The following PTPN14 variants were observed in gnomAD, a reference collection of about 807,000 sequenced individuals.
PTPN14 encodes the protein protein tyrosine phosphatase non-receptor type 14.
In PTPN14, 53 loss-of-function variants were observed where a neutral mutation model predicts 126.8. The ratio of observed to expected loss-of-function variants is 0.42; its 90% CI spans 0.34 to 0.53. The LOEUF is 0.53. PTPN14 is among the 20% of genes least tolerant of loss of function. PTPN14 has a pLI of 0.08. For synonymous variants in PTPN14, 630 were observed against 599.3 expected, an observed-to-expected ratio of 1.05 and a Z score of -0.75; for missense variants, 1,257 against 1,552.9, an observed-to-expected ratio of 0.81 and a Z score of 3.20.
intron 17 of PTPN14, among the ~76,000 whole-genome samples, chr1:214,368,196 T>TTTATTTATTTATTTATTTA (rs1658128427): frequency 7.5e-5 from 11 of 146,324 alleles, no homozygotes; most frequent in African/African-American, 2.0e-4. Flanking sequence ...TGTTATTCGT[T>TTTATTTATTTATTTATTTA]TTTATTTATT....
chr1:214,490,310 C>T (rs751734114), intron 1 of PTPN14, among the ~76,000 whole-genome samples: 32 of 152,176 alleles, frequency 2.1e-4, no homozygotes, highest in Non-Finnish European at 4.4e-4. Context: ...GAATTGATAC[C>T]CCAGCTGAGA....
intron 3 of PTPN14, among the ~76,000 whole-genome samples, chr1:214,447,105 C>T (rs1027123586): frequency 3.9e-5 from 6 of 152,162 alleles, no homozygotes; most frequent in African/African-American, 1.4e-4. Flanking sequence ...CCTGAGATGC[C>T]TGGTAACTGG....
chr1:214,465,582 G>A (rs939517222), intron 1 of PTPN14, among the ~76,000 whole-genome samples: 2 of 152,092 alleles, frequency 1.3e-5, no homozygotes, highest in African/African-American at 2.4e-5. Context: ...GATCATGCCT[G>A]CACTCCAGCT....
At chr1:214,516,999 G>T (rs991713488) in intron 1 of PTPN14, among the ~76,000 whole-genome samples, 2 of 151,938 alleles carry the variant, frequency 1.3e-5, no homozygotes, top group Admixed American at 6.6e-5. Context: ...CTTTCCTCCT[G>T]GAGAAATTCT....
At chr1:214,397,890 GA>G in intron 8 of PTPN14, 22 bp downstream of exon 8, 1 of 1,555,306 alleles carries the variant, frequency 6.4e-7, no homozygotes, top group Non-Finnish European at 8.8e-7. Flanking sequence ...AAAGAAAAAA[GA>G]AAAACAAACA....
rs1463325936 is a variant in PTPN14 at position 214,521,436 on chromosome 1, G to A, written c.-155+29747C>T. Among the ~76,000 whole-genome samples the A allele has an allele frequency of 2.0e-5, 3 of 152,330 alleles. No individual in the cohort carries two copies. In the East Asian group the frequency reaches 5.8e-4, roughly 29 times the overall value. On this transcript the variant is annotated intron_variant, in intron 1 of 18. Transcript: ENST00000366956. Reference sequence around the variant, plus strand: ...AAACAGAAACAAGAAAGAACGGCCAGGCGTGGTGGCTCACGCCTATAATCC... The same window carrying A: ...AAACAGAAACAAGAAAGAACGGCCAAGCGTGGTGGCTCACGCCTATAATCC...
At chr1:214,464,570 TCCTTCACATAC>T (rs1660584389) in intron 2 of PTPN14, 49 bp downstream of exon 2, 1 of 1,577,868 alleles carries the variant, frequency 6.3e-7, no homozygotes, top group Admixed American at 1.7e-5. Context: ...CGGTGAGTTC[TCCTTCACATAC>T]CCAACACGCA....
At chr1:214,482,904 A>T in intron 1 of PTPN14, 1 of 1,593,322 alleles carries the variant, frequency 6.3e-7, no homozygotes, top group Non-Finnish European at 8.6e-7. Flanking sequence ...TACAGCTGAT[A>T]CAGCACAGGC....
At chr1:214,414,102 C>A (rs1261092687) in intron 4 of PTPN14, among the ~76,000 whole-genome samples, 1 of 152,126 alleles carries the variant, frequency 6.6e-6, no homozygotes, top group African/African-American at 2.4e-5. Flanking sequence ...CAAAAAACAG[C>A]TATGTAATAT....
At chr1:214,458,563 T>G (rs1373013814) in intron 2 of PTPN14, among the ~76,000 whole-genome samples, 1 of 152,054 alleles carries the variant, frequency 6.6e-6, no homozygotes. Context: ...TTTGTAGAGG[T>G]GGCTACTATT....
In PTPN14 at chr1:214,488,633, G is replaced by A. The variant is rs75176029; in HGVS notation, c.-154-23676C>T. Among the ~76,000 whole-genome samples, 8 of 152,294 alleles carry A rather than the reference G, an allele frequency of 5.3e-5. 1 individual carries two copies. The highest frequency in any genetic ancestry group is 1.3e-4 in the Admixed American group (2 of 15,304). On this transcript the variant is annotated intron_variant, in intron 1 of 18. Transcript: ENST00000366956. The stretch of plus-strand genomic sequence containing the variant: ...ATTAACTTTCACCCATTTTCACTGA[G>A]CAACTGAAAGGCGTCAGACACTGTG...
intron 3 of PTPN14, 38 bp from the exon 4 acceptor site, chr1:214,414,764 C>T (rs1004277515): frequency 4.0e-6 from 6 of 1,504,392 alleles, no homozygotes; most frequent in Non-Finnish European, 4.6e-6. Flanking sequence ...ACCTTAAAAA[C>T]ACATACTTGG....
chr1:214,406,947 A>G (rs1279563440), intron 5 of PTPN14, among the ~76,000 whole-genome samples: 1 of 152,212 alleles, frequency 6.6e-6, no homozygotes, highest in Non-Finnish European at 1.5e-5. Flanking sequence ...CAACCCTCCA[A>G]TACCAACTAC....
At chr1:214,533,144 G>C in intron 1 of PTPN14, 1 of 752,826 alleles carries the variant, frequency 1.3e-6, no homozygotes, top group Non-Finnish European at 2.3e-6. Context: ...TTGGAGAACA[G>C]CCTGAGGGAG....
At chr1:214,508,340 T>C (rs1169786903) in intron 1 of PTPN14, among the ~76,000 whole-genome samples, 1 of 152,224 alleles carries the variant, frequency 6.6e-6, no homozygotes, top group African/African-American at 2.4e-5. Context: ...TCCTTTCTTG[T>C]CGTTTTAACA....
At chr1:214,435,623 T>A (rs1408055883) in intron 3 of PTPN14, among the ~76,000 whole-genome samples, 3 of 152,200 alleles carry the variant, frequency 2.0e-5, no homozygotes, top group Admixed American at 6.5e-5. Flanking sequence ...AAGACATATA[T>A]GTGGCCAACA....
chr1:214,407,253 A>G (rs1186143139), intron 5 of PTPN14, among the ~76,000 whole-genome samples: 1 of 152,202 alleles, frequency 6.6e-6, no homozygotes, highest in African/African-American at 2.4e-5. Context: ...GGCTGGACAC[A>G]GTGGCTCACG....
chr1:214,525,166 T>G (rs992773554), intron 1 of PTPN14, among the ~76,000 whole-genome samples: 4 of 152,176 alleles, frequency 2.6e-5, no homozygotes, highest in Non-Finnish European at 4.4e-5. Flanking sequence ...GCCAGCACTG[T>G]GACAGAAGGC....
At chr1:214,456,932 T>A (rs1660395853) in intron 2 of PTPN14, among the ~76,000 whole-genome samples, 1 of 152,192 alleles carries the variant, frequency 6.6e-6, no homozygotes, top group South Asian at 2.1e-4. Flanking sequence ...CCTTTGCAAA[T>A]ACACATATAT....
Sources: allele counts gnomAD v4.1 joint callset (sites outside exome capture counted in the v4.1 genomes callset), GRCh38; gene constraint gnomAD v4.1.1; transcripts MANE v1.5; gene names NCBI Gene and HGNC (gene_info 2026-07-23, HGNC 2026-07-21).